The following UBE3B variants were observed in gnomAD, a reference collection of about 807,000 sequenced individuals.
The protein encoded by UBE3B is ubiquitin-protein ligase E3B.
A neutral mutation model predicts 132.3 loss-of-function variants in UBE3B; 80 were observed. That is an observed-to-expected ratio of 0.60 (90% CI 0.50 to 0.73). The LOEUF is 0.73. UBE3B is among the 30% of genes least tolerant of loss of function. The pLI is 0.00. For synonymous variants in UBE3B, 487 were observed against 520.4 expected (o/e 0.94, Z 0.87); for missense variants, 1,196 against 1,362.5 (o/e 0.88, Z 1.92).
chr12:109,484,213 C>T (rs569200278), intron 4 of UBE3B, among the ~76,000 whole-genome samples: 3 of 152,052 alleles, frequency 2.0e-5, no homozygotes, highest in African/African-American at 7.2e-5. Context: ...ATGCAAGAGT[C>T]AGGAAGTTTA....
intron 18 of UBE3B, 70 bp downstream of exon 18, chr12:109,511,373 C>T: frequency 2.2e-6 from 3 of 1,392,958 alleles, no homozygotes; most frequent in Non-Finnish European, 3.0e-6. Flanking sequence ...CCTTTCCATC[C>T]TTGCTATGGC....
At chr12:109,494,401 G>A (rs1018558900) in intron 9 of UBE3B, among the ~76,000 whole-genome samples, 7 of 152,116 alleles carry the variant, frequency 4.6e-5, no homozygotes, top group Admixed American at 3.9e-4. Context: ...TTTTCTGGAC[G>A]CCTAGTTTGC....
intron 15 of UBE3B, chr12:109,508,946 T>A (rs7971160): frequency 0.17 from 28,266 of 167,974 alleles, 2,461 homozygotes; most frequent in African/African-American, 0.18. Context: ...CAATGTTCCT[T>A]GATATGCAGA....
At chr12:109,502,015 T>C (rs968212436) in intron 13 of UBE3B, among the ~76,000 whole-genome samples, 1 of 152,052 alleles carries the variant, frequency 6.6e-6, no homozygotes, top group Admixed American at 6.6e-5. Flanking sequence ...TAAGTTCATA[T>C]ATAGCAAAAC....
rs1268698224 is a variant in UBE3B at position 109,521,760 on chromosome 12, G to A, written c.2364+209G>A. ...CTCATCCCATCGACAGCCCTGTGACGGGGCTGCCACTGTCCTGGCTATTTA... is the reference window on the plus strand; with the variant it reads ...CTCATCCCATCGACAGCCCTGTGACAGGGCTGCCACTGTCCTGGCTATTTA... On this transcript the variant is annotated intron_variant, in intron 21 of 27. Coordinates refer to ENST00000342494, the MANE Select transcript of UBE3B (RefSeq NM_130466.4). This position sits in a 1 kb window ranked among gnomAD's most constrained non-coding sequence, Gnocchi z 4.2. 6.6e-6 allele frequency among the ~76,000 whole-genome samples: 1 copy of A among 152,118 alleles called. No homozygotes were observed. The highest frequency in any genetic ancestry group is 1.5e-5 in the Non-Finnish European group (1 of 68,014).
intron 10 of UBE3B, 33 bp from the exon 11 acceptor site, chr12:109,498,200 G>T: frequency 6.2e-7 from 1 of 1,611,658 alleles, no homozygotes; most frequent in Non-Finnish European, 8.5e-7. Flanking sequence ...GTTTCTGGCA[G>T]TTTCTGATTT....
At chr12:109,533,399 C>A in intron 26 of UBE3B, 67 bp from the exon 27 acceptor site, 1 of 1,401,166 alleles carries the variant, frequency 7.1e-7, no homozygotes, top group Non-Finnish European at 1.0e-6. Flanking sequence ...TGCTACACAG[C>A]TGCAAGGGCC....
At chr12:109,501,618 G>A (rs894822571) in intron 13 of UBE3B, 84 bp downstream of exon 13, 9 of 1,478,000 alleles carry the variant, frequency 6.1e-6, no homozygotes, top group Non-Finnish European at 8.2e-6. Context: ...ATGTTCCGCT[G>A]TGTTTGTGGG....
chr12:109,537,329 G>A (rs1008064591), downstream of UBE3B, among the ~76,000 whole-genome samples: 5 of 152,162 alleles, frequency 3.3e-5, no homozygotes, highest in African/African-American at 4.8e-5. Context: ...GGTTTCCTCC[G>A]CACCAGGAGC....
At chr12:109,537,195 A>G (rs1338338051), downstream of UBE3B, among the ~76,000 whole-genome samples, 16 of 152,152 alleles carry the variant, frequency 1.1e-4, no homozygotes, top group African/African-American at 4.8e-5. Flanking sequence ...ACAAACCCAG[A>G]TAAGTGTCTG....
intron 18 of UBE3B, 97 bp from the exon 19 acceptor site, chr12:109,516,668 C>T: frequency 6.5e-7 from 1 of 1,544,370 alleles, no homozygotes. Flanking sequence ...CTGCTTGCAT[C>T]TCATCTAACT....
At position 109,521,294 on chromosome 12, in the gene UBE3B, A is replaced by G; in HGVS notation, c.2223A>G (p.Arg741=). ...FKEFLEEIIK[R]VFDPALNLFK... ...AGTTCTTGGAAGAGATCATCAAGAG[A>G]GTTTTTGACCCAGCACTCAATCTGT... Residue 741 remains arginine, a synonymous_variant, in exon 20 of 28, where the codon AGA becomes AGG. Coordinates refer to ENST00000342494, the MANE Select transcript of UBE3B (RefSeq NM_130466.4). The surrounding 1 kb of genome is among the most constrained non-coding windows in gnomAD (Gnocchi z 4.2). The G allele has an allele frequency of 6.2e-7, 1 of 1,614,172 alleles. No individual in the cohort carries two copies. The highest frequency in any genetic ancestry group is 8.5e-7 in the Non-Finnish European group (1 of 1,180,018).
chr12:109,484,820 A>G (rs549395038), intron 4 of UBE3B, among the ~76,000 whole-genome samples: 3 of 152,050 alleles, frequency 2.0e-5, no homozygotes, highest in East Asian at 3.9e-4. Context: ...CAGTAGCACT[A>G]TCACAGCTCA....
intron 19 of UBE3B, among the ~76,000 whole-genome samples, chr12:109,518,650 T>A (rs1450366646): frequency 6.6e-6 from 1 of 152,154 alleles, no homozygotes. Flanking sequence ...TCTGGGGTGG[T>A]ATAGATTGCA....
At chr12:109,526,669 G>A (rs571617468) in intron 24 of UBE3B, among the ~76,000 whole-genome samples, 4 of 152,090 alleles carry the variant, frequency 2.6e-5, no homozygotes, top group East Asian at 3.9e-4. Flanking sequence ...TCAGGAGTTC[G>A]AGACCAGCCT....
At chr12:109,532,722 G>T (rs1883064176) in intron 26 of UBE3B, among the ~76,000 whole-genome samples, 1 of 152,238 alleles carries the variant, frequency 6.6e-6, no homozygotes, top group Admixed American at 6.5e-5. Flanking sequence ...AGTTCCCAGG[G>T]GGTAGCAGGG....
chr12:109,493,616 A>G (rs1437230438), intron 9 of UBE3B, among the ~76,000 whole-genome samples: 1 of 152,218 alleles, frequency 6.6e-6, no homozygotes, highest in Non-Finnish European at 1.5e-5. Flanking sequence ...GAATGTTTGT[A>G]TATAATTGAA....
chr12:109,534,821 C>CA lies in UBE3B; in HGVS notation c.*40dup, dbSNP rs1883298848. ...CCTGCCTCCAGGGCTCCTGGGCTGC[C>CA]AGGGACCTTCAGCTCCCAGAGGCAG... On this transcript the variant is annotated 3_prime_UTR_variant, in exon 28 of 28. Coordinates refer to ENST00000342494, the MANE Select transcript of UBE3B (RefSeq NM_130466.4). This position sits in a 1 kb window ranked among gnomAD's most constrained non-coding sequence, Gnocchi z 5.2. 1 of 1,460,838 alleles carries CA rather than the reference C, an allele frequency of 6.8e-7. No homozygotes were observed. The allele number at this position is 1,460,838 out of a possible 1,614,324, so 90.5% of individuals were successfully genotyped here.
chr12:109,493,855 G>A (rs1048440727), intron 9 of UBE3B, among the ~76,000 whole-genome samples: 4 of 152,060 alleles, frequency 2.6e-5, no homozygotes, highest in African/African-American at 7.2e-5. Context: ...AGACAAGGTC[G>A]TGCTTTGCCA....
Sources: gnomAD v4.1 joint callset for allele counts (sites outside exome capture counted in the v4.1 genomes callset) on GRCh38, gnomAD v4.1.1 for gene constraint, Gnocchi (gnomAD v3.1) non-coding constraint, MANE v1.5 for transcripts, NCBI Gene and HGNC (gene_info 2026-07-23, HGNC 2026-07-21) for gene names.